RGS5: variants seen among roughly 807,000 people sequenced by gnomAD.
RGS5 encodes regulator of G protein signaling 5.
Under a neutral mutation model 18.9 loss-of-function variants are expected in RGS5, and 20 were observed. The observed-to-expected ratio is 1.06, with a 90% CI of 0.74 to 1.54. RGS5 has a LOEUF of 1.54. Ranked by LOEUF, RGS5 falls within the 40% of genes most tolerant of loss-of-function variation. The probability of loss-of-function intolerance (pLI) is 0.00; values close to 1 mark genes in which losing one functional copy is unlikely to be tolerated. For synonymous variants in RGS5, 57 were observed against 76.2 expected (o/e 0.75, Z 1.31); for missense variants, 201 against 211.8 (o/e 0.95, Z 0.32).
chr1:163,185,051 G>C (rs1659012644), intron 1 of RGS5, among the ~76,000 whole-genome samples: 1 of 152,154 alleles, frequency 6.6e-6, no homozygotes, highest in South Asian at 2.1e-4. Flanking sequence ...TCAGTTAATA[G>C]ATAATCCTAA....
At chr1:163,312,263 G>A (rs1649888357) in intron 1 of RGS5, among the ~76,000 whole-genome samples, 2 of 152,160 alleles carry the variant, frequency 1.3e-5, no homozygotes, top group South Asian at 2.1e-4. Flanking sequence ...AGTTTCCAGA[G>A]GCCTCCCCAG....
chr1:163,310,015 C>A (rs1649811226), intron 1 of RGS5, among the ~76,000 whole-genome samples: 1 of 152,184 alleles, frequency 6.6e-6, no homozygotes, highest in African/African-American at 2.4e-5. Context: ...TGAAATAAAT[C>A]TCTTTTTTCC....
At chr1:163,240,939 T>C (rs1263958601) in intron 2 of RGS5, among the ~76,000 whole-genome samples, 3 of 152,156 alleles carry the variant, frequency 2.0e-5, no homozygotes, top group Non-Finnish European at 4.4e-5. Flanking sequence ...ACTTTGTTGG[T>C]TGTTCCTCAA....
At chr1:163,310,932 CAA>C (rs1382789960) in intron 1 of RGS5, among the ~76,000 whole-genome samples, 2 of 152,150 alleles carry the variant, frequency 1.3e-5, no homozygotes, top group African/African-American at 4.8e-5. Flanking sequence ...AAATGCCGAG[CAA>C]AGGGGGAAGA....
chr1:163,269,137 T>A (rs1188874148), intron 2 of RGS5, among the ~76,000 whole-genome samples: 1 of 152,170 alleles, frequency 6.6e-6, no homozygotes, highest in Non-Finnish European at 1.5e-5. Flanking sequence ...TTTTTTAAGT[T>A]CTATGCAAAT....
At chr1:163,230,842 C>T (rs778250679) in intron 2 of RGS5, among the ~76,000 whole-genome samples, 13 of 152,142 alleles carry the variant, frequency 8.5e-5, no homozygotes, top group Non-Finnish European at 1.8e-4. Flanking sequence ...TAACAAGTTT[C>T]TATATGCCAC....
intron 1 of RGS5, among the ~76,000 whole-genome samples, chr1:163,312,636 G>C (rs150500092): frequency 6.6e-6 from 1 of 152,170 alleles, no homozygotes; most frequent in East Asian, 1.9e-4. Context: ...ATTTTAAACA[G>C]TACTGGATGA....
At chr1:163,172,581 C>G in intron 1 of RGS5, 1 of 1,549,842 alleles carries the variant, frequency 6.5e-7, no homozygotes, top group South Asian at 1.2e-5. Flanking sequence ...TACTCTTTTC[C>G]TCATATTTGC....
intron 3 of RGS5, among the ~76,000 whole-genome samples, chr1:163,154,277 CTATA>C (rs1197074122): frequency 6.6e-6 from 1 of 152,128 alleles, no homozygotes; most frequent in Non-Finnish European, 1.5e-5. Flanking sequence ...AACAAAGACG[CTATA>C]TATAGTTATC....
At chr1:163,258,551 C>T (rs1214320633) in intron 2 of RGS5, among the ~76,000 whole-genome samples, 3 of 152,006 alleles carry the variant, frequency 2.0e-5, no homozygotes, top group Non-Finnish European at 4.4e-5. Flanking sequence ...GTGGTTTGGC[C>T]TGATAAGTTT....
At chr1:163,150,781 G>A (rs1182780666) in intron 4 of RGS5, among the ~76,000 whole-genome samples, 1 of 152,156 alleles carries the variant, frequency 6.6e-6, no homozygotes, top group Non-Finnish European at 1.5e-5. Flanking sequence ...ACATCTACTA[G>A]TATCAAGGTA....
chr1:163,237,095 A>G (rs1464807787), intron 2 of RGS5: 4 of 152,240 alleles, frequency 2.6e-5, no homozygotes, highest in African/African-American at 9.6e-5. Context: ...AAAACAACTG[A>G]TGACACTAAA....
At chr1:163,266,152 A>G (rs1648567879) in intron 2 of RGS5, among the ~76,000 whole-genome samples, 1 of 151,984 alleles carries the variant, frequency 6.6e-6, no homozygotes, top group East Asian at 1.9e-4. Context: ...TTTTATTACA[A>G]CCCCAATTTA....
At chr1:163,181,986 GC>G (rs1237455947) in intron 1 of RGS5, among the ~76,000 whole-genome samples, 3 of 152,094 alleles carry the variant, frequency 2.0e-5, no homozygotes, top group Admixed American at 6.6e-5. Context: ...ATGTTGCGAT[GC>G]TAAATAAGTT....
At chr1:163,151,967 A>G (rs1571210583) in intron 4 of RGS5, among the ~76,000 whole-genome samples, 1 of 152,290 alleles carries the variant, frequency 6.6e-6, no homozygotes, top group East Asian at 1.9e-4. Context: ...TATGTGTCAT[A>G]TATACCTATA....
intron 3 of RGS5, 99 bp from the exon 4 acceptor site, chr1:163,152,815 A>G: frequency 8.9e-7 from 1 of 1,125,332 alleles, no homozygotes; most frequent in Non-Finnish European, 1.2e-6. Context: ...ATACTCTTCT[A>G]TGCACAAAGT....
chr1:163,193,950 C>T (rs1659459793), intron 1 of RGS5, among the ~76,000 whole-genome samples: 2 of 152,088 alleles, frequency 1.3e-5, no homozygotes, highest in Non-Finnish European at 1.5e-5. Flanking sequence ...GTCAGTGGTG[C>T]CACACCCCCA....
intron 2 of RGS5, among the ~76,000 whole-genome samples, chr1:163,257,111 T>C (rs1648294001): frequency 6.6e-6 from 1 of 152,206 alleles, no homozygotes; most frequent in Non-Finnish European, 1.5e-5. Flanking sequence ...AGCATCCTTT[T>C]CATCAAGGAG....
intron 1 of RGS5, among the ~76,000 whole-genome samples, chr1:163,315,649 G>A (rs901570499): frequency 6.6e-6 from 1 of 152,140 alleles, no homozygotes; most frequent in African/African-American, 2.4e-5. Context: ...AGAATTCCAT[G>A]CGAGTCCTTA....
Sources: gnomAD v4.1 joint callset for allele counts (sites outside exome capture counted in the v4.1 genomes callset) on GRCh38, gnomAD v4.1.1 for gene constraint, MANE v1.5 for transcripts, NCBI Gene and HGNC (gene_info 2026-07-23, HGNC 2026-07-21) for gene names.